Variants in PARD3 observed in about 807,000 individuals in gnomAD.
The protein encoded by PARD3 is par-3 family cell polarity regulator.
PARD3 carries 75 observed loss-of-function variants against 155.4 expected under a neutral mutation model. The observed-to-expected ratio is 0.48, with a 90% CI of 0.40 to 0.58. The LOEUF (loss-of-function observed/expected upper bound fraction) is 0.58. PARD3 is among the 20% of genes least tolerant of loss of function. The pLI, the probability that PARD3 is intolerant of heterozygous loss-of-function variation, is 0.00. For synonymous variants in PARD3, 576 were observed against 610.5 expected (o/e 0.94, Z 0.83); for missense variants, 1,642 against 1,721.7 (o/e 0.95, Z 0.82).
chr10:34,787,840 G>C lies in PARD3; in HGVS notation c.120+27036C>G, dbSNP rs1345640014. 6.6e-5 allele frequency among the ~76,000 whole-genome samples: 10 copies of C among 151,502 alleles called. No homozygotes were observed. The East Asian group carries it at 1.2e-3, about 18-fold the overall frequency. Reference sequence around the variant, plus strand: ...GTTGCCCAGGCTCTGGTGTACAGTGGCGCAACCAGAGCTCTCTGCAGCCTC... The same window carrying C: ...GTTGCCCAGGCTCTGGTGTACAGTGCCGCAACCAGAGCTCTCTGCAGCCTC... On this transcript the variant is annotated intron_variant, in intron 1 of 24. Transcript: ENST00000374788.
At chr10:34,294,402 T>C (rs1347592163) in intron 20 of PARD3, among the ~76,000 whole-genome samples, 7 of 152,226 alleles carry the variant, frequency 4.6e-5, no homozygotes, top group Non-Finnish European at 1.0e-4. Context: ...AATAATGTGA[T>C]CATTAAAGTT....
intron 4 of PARD3, among the ~76,000 whole-genome samples, chr10:34,457,849 C>T (rs371070266): frequency 6.6e-6 from 1 of 152,162 alleles, no homozygotes; most frequent in African/African-American, 2.4e-5. Context: ...GATCCTCCTG[C>T]CTAAGCCTCC....
chr10:34,573,643 G>C (rs748129136), intron 2 of PARD3, among the ~76,000 whole-genome samples: 3 of 151,910 alleles, frequency 2.0e-5, no homozygotes, highest in Non-Finnish European at 2.9e-5. Flanking sequence ...GGAGGCAGAG[G>C]TTGCAGTAAG....
chr10:34,331,162 A>T lies in PARD3; in HGVS notation c.2788T>A (p.Tyr930Asn). ...ESFRAAIDKS[Y>N]DKPAVDDDDE... ...TCATCATCTACCGCGGGTTTATCATAAGATTTGTCGATGGCAGCTCTGAAG... is the reference window on the plus strand; with the variant it reads ...TCATCATCTACCGCGGGTTTATCATTAGATTTGTCGATGGCAGCTCTGAAG... Residue 930 changes from tyrosine (Y) to asparagine (N), a missense_variant, in exon 19 of 25, where the codon TAT becomes AAT. Tyr to Asn is a moderately radical substitution (Grantham distance 143, BLOSUM62 -2). Transcript: ENST00000374788. 3 of 1,613,976 alleles carry T rather than the reference A, an allele frequency of 1.9e-6. No homozygotes were observed. Among genetic ancestry groups the T allele is most frequent in the Non-Finnish European group, 2.5e-6 (3 of 1,179,952 alleles).
intron 5 of PARD3, among the ~76,000 whole-genome samples, chr10:34,408,263 T>C (rs1358566625): frequency 6.6e-6 from 1 of 152,142 alleles, no homozygotes; most frequent in Non-Finnish European, 1.5e-5. Context: ...ATATTTTCTG[T>C]CAAGTGTTTT....
In PARD3 at chr10:34,624,512, G is replaced by A. The variant is rs889658954; in HGVS notation, c.222+71806C>T. Reference sequence around the variant, plus strand: ...AGTGAGCCGTGTCACTTCAGGGTCGGGTGAGGCCTCTGAGATGTCACAGAT... The same window carrying A: ...AGTGAGCCGTGTCACTTCAGGGTCGAGTGAGGCCTCTGAGATGTCACAGAT... On this transcript the variant is annotated intron_variant, in intron 2 of 24. Coordinates refer to ENST00000374788, the MANE Select transcript of PARD3 (RefSeq NM_001184785.2). Among the ~76,000 whole-genome samples the A allele has an allele frequency of 2.0e-5, 3 of 152,220 alleles. No individual in the cohort carries two copies. In the East Asian group the frequency reaches 5.8e-4, roughly 29 times the overall value.
chr10:34,611,568 A>T (rs998532645), intron 2 of PARD3, among the ~76,000 whole-genome samples: 15 of 152,232 alleles, frequency 9.9e-5, no homozygotes, highest in Admixed American at 4.6e-4. Context: ...ACAAATCACA[A>T]GATTAATACT....
chr10:34,306,064 T>C (rs1233468898), intron 20 of PARD3, among the ~76,000 whole-genome samples: 1 of 148,988 alleles, frequency 6.7e-6, no homozygotes, highest in Non-Finnish European at 1.5e-5. Context: ...GAGGCACAGG[T>C]GGGCGGATCA....
chr10:34,389,239 T>TAA (rs57615675), intron 7 of PARD3, among the ~76,000 whole-genome samples: 1,366 of 65,816 alleles, frequency 0.021, 213 homozygotes, highest in African/African-American at 0.047. Flanking sequence ...CAATGTTTCT[T>TAA]AAAAAAAAAA....
chr10:34,578,380 T>C (rs1827042896), intron 2 of PARD3, among the ~76,000 whole-genome samples: 1 of 152,178 alleles, frequency 6.6e-6, no homozygotes, highest in African/African-American at 2.4e-5. Context: ...ATTTTCAAAA[T>C]TCACAAAATT....
chr10:34,403,058 T>C (rs924906049), intron 5 of PARD3, among the ~76,000 whole-genome samples: 4 of 152,202 alleles, frequency 2.6e-5, no homozygotes. Context: ...GATGGAGGCA[T>C]AGTCTTTGGC....
intron 2 of PARD3, among the ~76,000 whole-genome samples, chr10:34,521,901 T>TAG (rs1165932566): frequency 2.6e-5 from 4 of 152,326 alleles, no homozygotes; most frequent in African/African-American, 9.6e-5. Context: ...AAGCCAGCTC[T>TAG]GACCTTATTT....
At chr10:34,434,549 T>G in intron 5 of PARD3, among the ~76,000 whole-genome samples, 1 of 152,166 alleles carries the variant, frequency 6.6e-6, no homozygotes, top group East Asian at 1.9e-4. Flanking sequence ...CTGGGTATGG[T>G]CAGAGCCCCA....
chr10:34,292,759 C>A (rs898156206), intron 20 of PARD3, among the ~76,000 whole-genome samples: 1 of 151,384 alleles, frequency 6.6e-6, no homozygotes, highest in African/African-American at 2.4e-5. Context: ...TCTACTTAAC[C>A]AAGCTAGAAC....
At chr10:34,504,797 A>T (rs2080951554) in intron 3 of PARD3, among the ~76,000 whole-genome samples, 1 of 152,208 alleles carries the variant, frequency 6.6e-6, no homozygotes, top group South Asian at 2.1e-4. Flanking sequence ...GCCAGGCAGG[A>T]GCAAACAGAA....
At chr10:34,673,701 T>G (rs1024647366) in intron 2 of PARD3, among the ~76,000 whole-genome samples, 2 of 152,180 alleles carry the variant, frequency 1.3e-5, no homozygotes, top group Admixed American at 1.3e-4. Flanking sequence ...ATATTCTGTT[T>G]TCTATTTAGG....
intron 22 of PARD3, among the ~76,000 whole-genome samples, chr10:34,175,462 C>G (rs1489479693): frequency 1.3e-5 from 2 of 152,178 alleles, no homozygotes; most frequent in Non-Finnish European, 2.9e-5. Context: ...TATGCCAATG[C>G]AGGGGCCCCA....
intron 4 of PARD3, among the ~76,000 whole-genome samples, chr10:34,452,436 T>C (rs1343126867): frequency 6.6e-6 from 1 of 152,182 alleles, no homozygotes; most frequent in Non-Finnish European, 1.5e-5. Flanking sequence ...ACTAAAACTA[T>C]TATGTTAAGA....
intron 2 of PARD3, among the ~76,000 whole-genome samples, chr10:34,655,213 A>G (rs2489656): frequency 0.49 from 74,451 of 151,422 alleles, 22,108 homozygotes; most frequent in African/African-American, 0.85. Flanking sequence ...TAAACTTAAC[A>G]CCCTATCAAA....
Sources: gnomAD v4.1 joint callset for allele counts (sites outside exome capture counted in the v4.1 genomes callset) on GRCh38, gnomAD v4.1.1 for gene constraint, MANE v1.5 for transcripts, NCBI Gene and HGNC (gene_info 2026-07-23, HGNC 2026-07-21) for gene names.